The following NFIA variants were observed in gnomAD, a reference collection of about 807,000 sequenced individuals.
The protein encoded by NFIA is nuclear factor I A, also known as nuclear factor 1 A-type.
A neutral mutation model predicts 62.8 loss-of-function variants in NFIA; 8 were observed. That is an observed-to-expected ratio of 0.13 (90% CI 0.07 to 0.23). The LOEUF is 0.23. NFIA is among the 10% of genes least tolerant of loss of function. The probability of loss-of-function intolerance (pLI) is 1.00; values close to 1 mark genes in which losing one functional copy is unlikely to be tolerated. For missense variants in NFIA, 410 were observed against 642.1 expected, an observed-to-expected ratio of 0.64 and a Z score of 3.91; for synonymous variants, 235 against 238.1, an observed-to-expected ratio of 0.99 and a Z score of 0.12.
At position 61,088,718 on chromosome 1, in the gene NFIA, G is replaced by A; in HGVS notation, c.559+38G>A. 1.3e-6 allele frequency: 2 copies of A among 1,578,412 alleles called. No individual in the cohort carries two copies. The highest frequency in any genetic ancestry group is 1.7e-6 in the Non-Finnish European group (2 of 1,163,494). On this transcript the variant is annotated intron_variant, in intron 2 of 10. Transcript: ENST00000403491. The surrounding 1 kb of genome is among the most constrained non-coding windows in gnomAD (Gnocchi z 4.5). Reference sequence around the variant, plus strand: ...GTGAGAATTCCTCCCACTTTCTTGTGTGTGTTTCTTTCCTGATGGCCTCCG... The same window carrying A: ...GTGAGAATTCCTCCCACTTTCTTGTATGTGTTTCTTTCCTGATGGCCTCCG...
intron 2 of NFIA, among the ~76,000 whole-genome samples, chr1:61,135,312 G>A (rs1461586952): frequency 6.6e-6 from 1 of 152,212 alleles, no homozygotes; most frequent in African/African-American, 2.4e-5. Context: ...GCAAGGTCGT[G>A]CTACTGGGTT....
chr1:61,406,437 C>T (rs1377969763), intron 8 of NFIA, 125 bp from the exon 9 acceptor site: 2 of 806,236 alleles, frequency 2.5e-6, no homozygotes, highest in Non-Finnish European at 4.0e-6. Context: ...ATTGAAGCAG[C>T]TAGATACTTA....
At chr1:61,192,725 G>C (rs2100577571) in intron 2 of NFIA, among the ~76,000 whole-genome samples, 1 of 151,694 alleles carries the variant, frequency 6.6e-6, no homozygotes, top group East Asian at 1.9e-4. Context: ...GAAAAAAAAA[G>C]AAATGTCAAA....
chr1:61,406,557 C>CCCCCCCCCA lies in NFIA; in HGVS notation c.1255-5_1255-4insCCCCCCCCA. 2 of 1,317,454 alleles carry CCCCCCCCCA rather than the reference C, an allele frequency of 1.5e-6. No homozygotes were observed. The highest frequency in any genetic ancestry group is 2.0e-6 in the Non-Finnish European group (2 of 998,972). 81.6% of individuals were successfully genotyped at this position (1,317,454 alleles called of 1,614,324 possible). On this transcript the variant is annotated splice_polypyrimidine_tract_variant and splice_region_variant and intron_variant, in intron 8 of 10. Coordinates refer to ENST00000403491, the MANE Select transcript of NFIA (RefSeq NM_001134673.4). Reference sequence around the variant, plus strand: ...GTGTGTTTTCTGCCCCCCCCCCCCCCACAGCCCAATGGGAGCAGCCAAGGC... The same window carrying CCCCCCCCCA: ...GTGTGTTTTCTGCCCCCCCCCCCCCCCCCCCCCCAACAGCCCAATGGGAGCAGCCAAGGC...
intron 2 of NFIA, among the ~76,000 whole-genome samples, chr1:61,173,526 T>A (rs1448814070): frequency 1.3e-5 from 2 of 152,130 alleles, no homozygotes; most frequent in Non-Finnish European, 2.9e-5. Context: ...TAGCTGGGAT[T>A]ACAGACATTG....
At chr1:61,385,998 C>A (rs1664665073) in intron 7 of NFIA, 1 of 152,186 alleles carries the variant, frequency 6.6e-6, no homozygotes, top group Non-Finnish European at 1.5e-5. Flanking sequence ...GATGAAACTT[C>A]AGTTGCCTCT....
intron 2 of NFIA, among the ~76,000 whole-genome samples, chr1:61,182,709 GTTC>G (rs1438839739): frequency 1.6e-4 from 24 of 152,110 alleles, no homozygotes; most frequent in African/African-American, 1.7e-4. Flanking sequence ...CTTAAAATAA[GTTC>G]TTCTCTTCAT....
Position 61,186,825 on chromosome 1 carries a change from C to T in NFIA, c.560-90695C>T, listed in dbSNP as rs190787170. On this transcript the variant is annotated intron_variant, in intron 2 of 10. Coordinates refer to ENST00000403491, the MANE Select transcript of NFIA (RefSeq NM_001134673.4). ...ACCTTATGAAACAGTACTGTTATCA[C>T]CTTGATTTTACAGAGAAGGAAAGTG... Among the ~76,000 whole-genome samples the T allele has an allele frequency of 1.3e-3, 205 of 152,270 alleles. 4 individuals are homozygous for T. The highest frequency in any genetic ancestry group is 4.7e-3 in the African/African-American group (194 of 41,540).
chr1:61,127,012 C>T (rs1222244521), intron 2 of NFIA, among the ~76,000 whole-genome samples: 2 of 151,262 alleles, frequency 1.3e-5, no homozygotes, highest in Non-Finnish European at 2.9e-5. Context: ...AGGCTGGTCT[C>T]CTCCTGACCT....
chr1:61,201,713 A>G (rs1382379555), intron 2 of NFIA, among the ~76,000 whole-genome samples: 2 of 152,146 alleles, frequency 1.3e-5, no homozygotes, highest in Non-Finnish European at 2.9e-5. Flanking sequence ...GTCCTGAGCT[A>G]TTAGACAAAG....
chr1:61,263,717 G>A (rs1353596538), intron 2 of NFIA, among the ~76,000 whole-genome samples: 1 of 152,188 alleles, frequency 6.6e-6, no homozygotes, highest in Non-Finnish European at 1.5e-5. Context: ...AGCATTGGCT[G>A]GGCACGGTGG....
At chr1:61,183,087 T>G (rs1167505745) in intron 2 of NFIA, among the ~76,000 whole-genome samples, 2 of 152,246 alleles carry the variant, frequency 1.3e-5, no homozygotes, top group Non-Finnish European at 2.9e-5. Context: ...ATAGTACTGG[T>G]AAAATGGCAC....
At chr1:61,127,595 C>A (rs906380322) in intron 2 of NFIA, among the ~76,000 whole-genome samples, 10 of 152,246 alleles carry the variant, frequency 6.6e-5, no homozygotes, top group African/African-American at 2.4e-4. Context: ...CCGTGTATTT[C>A]AGCCAGAAGA....
rs187199905 is a variant in NFIA at position 61,270,498 on chromosome 1, A to T, written c.560-7022A>T. 4.2e-3 allele frequency among the ~76,000 whole-genome samples: 647 copies of T among 152,358 alleles called. 12 individuals are homozygous for T. The highest frequency in any genetic ancestry group is 0.015 in the African/African-American group (624 of 41,582). ...TATTTCAATAAAAGTTTGTGCAGAC[A>T]TCCAGGTACATGAAAATAATGCATG... On this transcript the variant is annotated intron_variant, in intron 2 of 10. Coordinates refer to ENST00000403491, the MANE Select transcript of NFIA (RefSeq NM_001134673.4).
At chr1:61,365,638 T>C (rs1663546671) in intron 6 of NFIA, among the ~76,000 whole-genome samples, 2 of 152,160 alleles carry the variant, frequency 1.3e-5, no homozygotes, top group Non-Finnish European at 2.9e-5. Context: ...TGAATCCTTA[T>C]TAAGTGCTGA....
chr1:61,103,272 G>A (rs1204306923), intron 2 of NFIA, among the ~76,000 whole-genome samples: 1 of 152,058 alleles, frequency 6.6e-6, no homozygotes, highest in East Asian at 1.9e-4. Flanking sequence ...GCATATTTTT[G>A]TTTTATTCCT....
chr1:61,082,774 C>T lies in NFIA; in HGVS notation c.-18C>T, dbSNP rs765235283. 7 of 1,553,106 alleles carry T rather than the reference C, an allele frequency of 4.5e-6. No homozygotes were observed. The South Asian group carries it at 7.1e-5, about 16-fold the overall frequency. ...CCGCACACCCAGACGCACACGCATACCCCAGCGCCCGGCAGTTATGTATTC... is the reference window on the plus strand; with the variant it reads ...CCGCACACCCAGACGCACACGCATATCCCAGCGCCCGGCAGTTATGTATTC... On this transcript the variant is annotated 5_prime_UTR_variant, in exon 1 of 11. Transcript: ENST00000403491.
intron 2 of NFIA, among the ~76,000 whole-genome samples, chr1:61,273,893 A>G (rs1400598619): frequency 2.0e-5 from 3 of 152,120 alleles, no homozygotes; most frequent in Non-Finnish European, 4.4e-5. Flanking sequence ...GGATATTTAT[A>G]TTTTTGCCTC....
At chr1:61,206,617 T>C (rs1200112934) in intron 2 of NFIA, among the ~76,000 whole-genome samples, 3 of 152,238 alleles carry the variant, frequency 2.0e-5, no homozygotes, top group Non-Finnish European at 4.4e-5. Flanking sequence ...TATTGCCTTC[T>C]TTTCTGTGCA....
Sources: gnomAD v4.1 joint callset for allele counts (sites outside exome capture counted in the v4.1 genomes callset) on GRCh38, gnomAD v4.1.1 for gene constraint, Gnocchi (gnomAD v3.1) non-coding constraint, MANE v1.5 for transcripts, NCBI Gene and HGNC (gene_info 2026-07-23, HGNC 2026-07-21) for gene names.